The following MITF variants were observed in gnomAD, a reference collection of about 807,000 sequenced individuals.
MITF encodes microphthalmia-associated transcription factor.
Under a neutral mutation model 60.5 loss-of-function variants are expected in MITF, and 17 were observed. The observed-to-expected ratio is 0.28, with a 90% CI of 0.19 to 0.42. The LOEUF is 0.42. Among genes scored for constraint, MITF ranks in the 10% least tolerant of loss-of-function variants. The probability of loss-of-function intolerance (pLI) is 1.00; values close to 1 mark genes in which losing one functional copy is unlikely to be tolerated. For synonymous variants in MITF, 260 were observed against 248.5 expected, an observed-to-expected ratio of 1.05 and a Z score of -0.43; for missense variants, 622 against 683.5, an observed-to-expected ratio of 0.91 and a Z score of 1.00.
chr3:69,787,257 G>T (rs750857895), intron 1 of MITF, among the ~76,000 whole-genome samples: 1 of 152,144 alleles, frequency 6.6e-6, no homozygotes, highest in Admixed American at 6.5e-5. Context: ...TTCTAAGGGG[G>T]ACTGAACTTC....
At chr3:69,858,522 C>T (rs1243838243) in intron 1 of MITF, among the ~76,000 whole-genome samples, 1 of 151,996 alleles carries the variant, frequency 6.6e-6, no homozygotes, top group African/African-American at 2.4e-5. Context: ...TCCTGTGTGA[C>T]TCCTGGGTAT....
chr3:69,959,565 A>G, intron 9 of MITF, 145 bp downstream of exon 9: 1 of 1,119,446 alleles, frequency 8.9e-7, no homozygotes, highest in Non-Finnish European at 1.3e-6. Context: ...GTGTGTGTGA[A>G]TTTGCCTACT....
intron 2 of MITF, among the ~76,000 whole-genome samples, chr3:69,888,520 C>T (rs1331544922): frequency 6.7e-6 from 1 of 150,374 alleles, no homozygotes; most frequent in African/African-American, 2.5e-5. Context: ...GAAATAAGTA[C>T]GGGATAAAAT....
At chr3:69,842,078 C>T (rs911024631) in intron 1 of MITF, among the ~76,000 whole-genome samples, 2 of 152,120 alleles carry the variant, frequency 1.3e-5, no homozygotes, top group African/African-American at 4.8e-5. Context: ...TGAGCGGTGT[C>T]CTCTGTAGTT....
intron 5 of MITF, among the ~76,000 whole-genome samples, chr3:69,945,337 T>C (rs1219747026): frequency 3.3e-5 from 5 of 152,204 alleles, no homozygotes; most frequent in Non-Finnish European, 7.3e-5. Flanking sequence ...CATCTGTCCA[T>C]GGTGCAGTTT....
At chr3:69,827,105 C>T (rs1412327117) in intron 1 of MITF, among the ~76,000 whole-genome samples, 1 of 152,180 alleles carries the variant, frequency 6.6e-6, no homozygotes, top group African/African-American at 2.4e-5. Flanking sequence ...TAACATTGCT[C>T]TTTGACAGCC....
chr3:69,857,182 T>C (rs1186811607), intron 1 of MITF, among the ~76,000 whole-genome samples: 2 of 152,090 alleles, frequency 1.3e-5, no homozygotes. Context: ...GCAACTCCAG[T>C]GCAAGGTTCT....
intron 1 of MITF, among the ~76,000 whole-genome samples, chr3:69,767,353 G>A (rs1332189525): frequency 2.0e-5 from 3 of 152,156 alleles, no homozygotes; most frequent in African/African-American, 4.8e-5. Context: ...GGAGACTGAG[G>A]TGGGTGGGTC....
At chr3:69,752,823 C>G (rs1252313756) in intron 1 of MITF, among the ~76,000 whole-genome samples, 2 of 152,158 alleles carry the variant, frequency 1.3e-5, no homozygotes, top group East Asian at 1.9e-4. Flanking sequence ...TAGGACCTCC[C>G]TTGTCATTCT....
chr3:69,941,864 G>A (rs2065976485), intron 5 of MITF, among the ~76,000 whole-genome samples: 1 of 152,066 alleles, frequency 6.6e-6, no homozygotes, highest in African/African-American at 2.4e-5. Flanking sequence ...TGCCTATATT[G>A]TTTATTTTCC....
chr3:69,785,859 A>T (rs2062640150), intron 1 of MITF, among the ~76,000 whole-genome samples: 1 of 152,142 alleles, frequency 6.6e-6, no homozygotes, highest in Non-Finnish European at 1.5e-5. Flanking sequence ...AGAAAAAGAG[A>T]TGGACAGGTA....
intron 1 of MITF, among the ~76,000 whole-genome samples, chr3:69,835,471 T>C (rs1265840584): frequency 2.0e-5 from 3 of 152,208 alleles, no homozygotes; most frequent in African/African-American, 7.2e-5. Context: ...CAAAAGCTTT[T>C]TAGTTTGATG....
intron 1 of MITF, chr3:69,866,392 G>A (rs778497973): frequency 7.9e-5 from 127 of 1,608,724 alleles, no homozygotes; most frequent in Middle Eastern, 4.9e-4. Flanking sequence ...CCACTTAAGA[G>A]GAGCAGTTTT....
intron 5 of MITF, among the ~76,000 whole-genome samples, chr3:69,942,268 A>T (rs1229828699): frequency 1.3e-5 from 2 of 152,206 alleles, no homozygotes; most frequent in African/African-American, 2.4e-5. Flanking sequence ...ATGTGAACAT[A>T]CATAACACTA....
In MITF at chr3:69,781,043, A is replaced by C. The variant is rs189496987; in HGVS notation, c.104+41342A>C. Among the ~76,000 whole-genome samples the C allele has an allele frequency of 9.5e-4, 144 of 152,220 alleles. 2 individuals carry two copies. Among genetic ancestry groups the C allele is most frequent in the Non-Finnish European group, 6.8e-4 (46 of 68,006 alleles). ...CCTGTTTAGCATTCATGTTACTTTG[A>C]AGTTTTTAGAAAACCACATAATAGT... is the stretch of plus-strand genomic sequence containing the variant. On this transcript the variant is annotated intron_variant, in intron 1 of 9. Transcript: ENST00000352241.
At chr3:69,742,820 C>T (rs1181599917) in intron 1 of MITF, among the ~76,000 whole-genome samples, 1 of 152,224 alleles carries the variant, frequency 6.6e-6, no homozygotes, top group African/African-American at 2.4e-5. Flanking sequence ...TCATTCCCAT[C>T]ACACTGATAG....
chr3:69,815,472 C>T (rs1395893113), intron 1 of MITF, among the ~76,000 whole-genome samples: 2 of 152,186 alleles, frequency 1.3e-5, no homozygotes, highest in African/African-American at 4.8e-5. Flanking sequence ...TGATGATCCA[C>T]TTTCACTTAA....
intron 1 of MITF, among the ~76,000 whole-genome samples, chr3:69,761,726 G>C (rs2062215238): frequency 6.6e-6 from 1 of 152,190 alleles, no homozygotes; most frequent in African/African-American, 2.4e-5. Context: ...GAGGAAAGGA[G>C]GTAGGCTGTG....
intron 2 of MITF, among the ~76,000 whole-genome samples, chr3:69,926,380 C>T (rs549612101): frequency 5.3e-5 from 8 of 152,304 alleles, no homozygotes; most frequent in African/African-American, 1.7e-4. Flanking sequence ...CAGCAGCTCT[C>T]ATCTCTGCCT....
Sources: gnomAD v4.1 joint callset for allele counts (sites outside exome capture counted in the v4.1 genomes callset) on GRCh38, gnomAD v4.1.1 for gene constraint, MANE v1.5 for transcripts, NCBI Gene and HGNC (gene_info 2026-07-23, HGNC 2026-07-21) for gene names.